The following ABCC4 variants were observed in gnomAD, a reference collection of about 807,000 sequenced individuals.
The protein encoded by ABCC4 is ATP binding cassette subfamily C member 4 (PEL blood group), also known as ATP-binding cassette sub-family C member 4.
A neutral mutation model predicts 168.5 loss-of-function variants in ABCC4; 102 were observed. The observed-to-expected ratio is 0.61, with a 90% CI of 0.52 to 0.71. ABCC4 has a LOEUF of 0.71. Ranked by LOEUF, ABCC4 falls within the 30% of genes least tolerant of loss-of-function variation. ABCC4 has a pLI of 0.00. For missense variants in ABCC4, 1,402 were observed against 1,605.8 expected (o/e 0.87, Z 2.17); for synonymous variants, 617 against 590.7 (o/e 1.04, Z -0.65).
intron 8 of ABCC4, among the ~76,000 whole-genome samples, chr13:95,196,935 A>C (rs1261779618): frequency 6.6e-6 from 1 of 152,152 alleles, no homozygotes; most frequent in Admixed American, 6.5e-5. Context: ...CCATGCTTCA[A>C]ACTCTTCCAT....
chr13:95,210,645 G>C, intron 5 of ABCC4, 47 bp downstream of exon 5: 3 of 1,452,672 alleles, frequency 2.1e-6, no homozygotes, highest in Non-Finnish European at 2.9e-6. Context: ...AAAGGGGAAA[G>C]AGGGGTGTTT....
intron 1 of ABCC4, among the ~76,000 whole-genome samples, chr13:95,292,313 C>T (rs904949362): frequency 1.3e-5 from 2 of 152,104 alleles, no homozygotes; most frequent in Admixed American, 6.6e-5. Context: ...GAACTGAGAT[C>T]GCACCACTGC....
chr13:95,285,366 C>T (rs1359656245), intron 1 of ABCC4, among the ~76,000 whole-genome samples: 4 of 152,068 alleles, frequency 2.6e-5, no homozygotes, highest in Non-Finnish European at 5.9e-5. Flanking sequence ...ACCTGACCAA[C>T]ATGGTGAAAC....
chr13:95,204,519 G>A (rs1160602971), intron 8 of ABCC4, among the ~76,000 whole-genome samples: 1 of 152,068 alleles, frequency 6.6e-6, no homozygotes, highest in Non-Finnish European at 1.5e-5. Context: ...CATTTTCCCT[G>A]CTTGCACTTC....
chr13:95,269,172 A>C (rs2040770917), intron 1 of ABCC4: 3 of 412,030 alleles, frequency 7.3e-6, no homozygotes, highest in Non-Finnish European at 1.5e-5. Flanking sequence ...CAGATTATTG[A>C]ACCCAAGGGG....
Position 95,042,417 on chromosome 13 carries a change from C to T in ABCC4, c.3735+1265G>A, listed in dbSNP as rs191996167. Reference sequence around the variant, plus strand: ...GAGGGCATGACCGCAACAGTGAATGCTGCGTTTGATGAACTGAAGGACAAT... The same window carrying T: ...GAGGGCATGACCGCAACAGTGAATGTTGCGTTTGATGAACTGAAGGACAAT... On this transcript the variant is annotated intron_variant, in intron 29 of 30. Transcript: ENST00000645237. 2.0e-5 allele frequency among the ~76,000 whole-genome samples: 3 copies of T among 152,270 alleles called. No homozygotes were observed. The East Asian group carries it at 5.8e-4, about 29-fold the overall frequency.
chr13:95,259,916 T>C (rs1013530647), intron 1 of ABCC4, among the ~76,000 whole-genome samples: 34 of 151,672 alleles, frequency 2.2e-4, no homozygotes, highest in Non-Finnish European at 7.4e-5. Context: ...ACTCTACTTC[T>C]GGGCTTTCTA....
chr13:95,068,742 T>C (rs1158038846), intron 25 of ABCC4, among the ~76,000 whole-genome samples: 4 of 152,228 alleles, frequency 2.6e-5, no homozygotes, highest in South Asian at 4.1e-4. Context: ...TGTGGGGATA[T>C]AGGTTGTTTT....
At chr13:95,182,393 T>C (rs953822811) in intron 11 of ABCC4, among the ~76,000 whole-genome samples, 1 of 152,218 alleles carries the variant, frequency 6.6e-6, no homozygotes, top group South Asian at 2.1e-4. Context: ...AAAGAAACTA[T>C]GCAAAGGGTG....
intron 1 of ABCC4, among the ~76,000 whole-genome samples, chr13:95,254,726 A>G (rs1021956242): frequency 4.6e-5 from 7 of 152,332 alleles, no homozygotes; most frequent in South Asian, 2.1e-4. Context: ...CATTGACCCT[A>G]TAAGGCTCAC....
intron 14 of ABCC4, among the ~76,000 whole-genome samples, chr13:95,167,681 G>A (rs1244744751): frequency 6.6e-6 from 1 of 152,160 alleles, no homozygotes; most frequent in Non-Finnish European, 1.5e-5. Flanking sequence ...CATAGTATCT[G>A]TAAGACACAC....
intron 30 of ABCC4, among the ~76,000 whole-genome samples, chr13:95,029,242 AGAGAGAGAGAGAAAGAG>A (rs1177974830): frequency 3.9e-4 from 2 of 5,184 alleles, no homozygotes; most frequent in African/African-American, 3.4e-4. Context: ...AGAGAGAGAG[AGAGAGAGAGAGAAAGAG>A]AGAGAGAGAG....
At position 95,044,687 on chromosome 13, in the gene ABCC4, AAC is replaced by A. The variant is rs1231218579; in HGVS notation, c.3457-251_3457-250del. Among the ~76,000 whole-genome samples, 5 of 152,218 alleles carry A rather than the reference AAC, an allele frequency of 3.3e-5. No homozygotes were observed. The East Asian group carries it at 7.7e-4, about 23-fold the overall frequency. On this transcript the variant is annotated intron_variant, in intron 27 of 30. Transcript: ENST00000645237. ...AGATGCTCCTTTATCACCATCAGCA[AAC>A]ACAGTCTGTTCATGCAGGGTCACGT...
At chr13:95,136,982 A>G (rs2036162712) in intron 19 of ABCC4, among the ~76,000 whole-genome samples, 1 of 152,236 alleles carries the variant, frequency 6.6e-6, no homozygotes, top group Non-Finnish European at 1.5e-5. Context: ...TTTATGCAAC[A>G]TTTTACTTTA....
intron 16 of ABCC4, 29 bp downstream of exon 16, chr13:95,164,349 G>C (rs1410366653): frequency 6.2e-7 from 1 of 1,612,912 alleles, no homozygotes; most frequent in Non-Finnish European, 8.5e-7. Context: ...ATATCATTTT[G>C]AGGGCGCAAA....
chr13:95,262,631 C>CTTT (rs35209572), intron 1 of ABCC4, among the ~76,000 whole-genome samples: 2 of 142,212 alleles, frequency 1.4e-5, no homozygotes, highest in African/African-American at 5.2e-5. Context: ...GACACTTAGA[C>CTTT]TTTTTTTTTT....
intron 8 of ABCC4, among the ~76,000 whole-genome samples, chr13:95,202,731 C>A (rs2038666168): frequency 6.8e-6 from 1 of 146,204 alleles, no homozygotes; most frequent in African/African-American, 2.5e-5. Context: ...TCACTGCAAC[C>A]TCCACCTCCC....
intron 18 of ABCC4, 151 bp downstream of exon 18, chr13:95,162,971 A>C (rs2037147119): frequency 6.5e-6 from 4 of 618,184 alleles, no homozygotes; most frequent in African/African-American, 1.9e-5. Flanking sequence ...TTTTAAAATA[A>C]TTATTCTAAT....
rs2033019524 is a variant in ABCC4 at position 95,055,535 on chromosome 13, C to T, written c.3367-2351G>A. On this transcript the variant is annotated intron_variant, in intron 26 of 30. Transcript: ENST00000645237. ...GTCATACTTTTTAAAAATCTTTGCGCCATACTGAGTAGTAATTTTGTCCTC... is the reference window on the plus strand; with the variant it reads ...GTCATACTTTTTAAAAATCTTTGCGTCATACTGAGTAGTAATTTTGTCCTC... 6 of 152,120 alleles carry T rather than the reference C, an allele frequency of 3.9e-5. No individual in the cohort carries two copies. In the South Asian group the frequency reaches 1.2e-3, roughly 32 times the overall value. The allele number at this position is 152,120 out of a possible 1,614,324, so 9.4% of individuals were successfully genotyped here. A position where few individuals can be genotyped will look rare whatever the true frequency, so the allele number is the denominator to read the frequency against.
Sources: allele counts gnomAD v4.1 joint callset (sites outside exome capture counted in the v4.1 genomes callset), GRCh38; gene constraint gnomAD v4.1.1; transcripts MANE v1.5; gene names NCBI Gene and HGNC (gene_info 2026-07-23, HGNC 2026-07-21).